Variants in TUSC3 observed in about 807,000 individuals in gnomAD.
TUSC3 encodes dolichyl-diphosphooligosaccharide--protein glycosyltransferase subunit TUSC3.
In TUSC3, 45 loss-of-function variants were observed where a neutral mutation model predicts 44.8. The ratio of observed to expected loss-of-function variants is 1.00; its 90% CI spans 0.79 to 1.29. TUSC3 has a LOEUF of 1.29. Ranked by LOEUF, TUSC3 falls within the 50% of genes most tolerant of loss-of-function variation. The pLI, the probability that TUSC3 is intolerant of heterozygous loss-of-function variation, is 0.00. For missense variants in TUSC3, 519 were observed against 437.9 expected, an observed-to-expected ratio of 1.19 and a Z score of -1.65; for synonymous variants, 212 against 152.9, an observed-to-expected ratio of 1.39 and a Z score of -2.85.
At chr8:15,536,440 G>C (rs1294203777), upstream of TUSC3, among the ~76,000 whole-genome samples, 1 of 151,974 alleles carries the variant, frequency 6.6e-6, no homozygotes, top group Non-Finnish European at 1.5e-5. Flanking sequence ...CCAGCACTTT[G>C]GGATGCCGAG....
chr8:15,650,760 C>G lies in TUSC3; in HGVS notation c.372C>G (p.Asn124Lys), dbSNP rs779451208. The change falls in exon 3 of 11, where the codon AAC becomes AAG. Residue 124 changes from asparagine (N) to lysine (K), a missense_variant. By Grantham distance (94) the Asn-to-Lys change is moderately conservative (BLOSUM62 0). Transcript: ENST00000503731. ...NSWRYSSAFC[N>K]KLFFSMVDYD... ...GGCGCTATTCATCTGCTTTTTGTAA[C>G]AAGCTCTTCTTCAGTATGGTGGACT... 121 of 1,613,998 alleles carry G rather than the reference C, an allele frequency of 7.5e-5. No homozygotes were observed. The highest frequency in any genetic ancestry group is 1.0e-4 in the Non-Finnish European group (121 of 1,180,026).
intron 7 of TUSC3, among the ~76,000 whole-genome samples, chr8:15,741,868 A>G (rs1342043229): frequency 1.3e-5 from 2 of 152,188 alleles, no homozygotes; most frequent in African/African-American, 2.4e-5. Flanking sequence ...GATCCATATC[A>G]GTCACATCTA....
chr8:15,535,903 A>C (rs1485144882), upstream of TUSC3, among the ~76,000 whole-genome samples: 1 of 152,128 alleles, frequency 6.6e-6, no homozygotes, highest in Non-Finnish European at 1.5e-5. Context: ...AACTTGTCCA[A>C]CTCGTGGCCT....
intron 9 of TUSC3, among the ~76,000 whole-genome samples, chr8:15,754,126 T>C (rs1811821819): frequency 6.6e-6 from 1 of 151,658 alleles, no homozygotes; most frequent in South Asian, 2.1e-4. Flanking sequence ...AGGCAGTCTG[T>C]AGAAAACGAG....
chr8:15,685,281 G>A (rs1379801714), intron 6 of TUSC3, among the ~76,000 whole-genome samples: 2 of 152,032 alleles, frequency 1.3e-5, no homozygotes, highest in Non-Finnish European at 2.9e-5. Flanking sequence ...GCTTCCTCAG[G>A]TCTGGTTCAG....
intron 1 of TUSC3, among the ~76,000 whole-genome samples, chr8:15,476,065 T>G (rs745931166): frequency 2.0e-5 from 3 of 152,190 alleles, no homozygotes; most frequent in Non-Finnish European, 4.4e-5. Flanking sequence ...TACTTAGAAA[T>G]TTCATTCTGA....
At chr8:15,748,333 G>T in intron 8 of TUSC3, 42 bp from the exon 9 acceptor site, 1 of 1,430,896 alleles carries the variant, frequency 7.0e-7, no homozygotes, top group African/African-American at 1.4e-5. Flanking sequence ...GGTTTCATTT[G>T]CATATTTTTA....
intron 9 of TUSC3, among the ~76,000 whole-genome samples, chr8:15,753,431 G>A (rs1022882587): frequency 3.9e-5 from 6 of 151,942 alleles, no homozygotes; most frequent in Non-Finnish European, 7.4e-5. Context: ...TGCTCTCTCA[G>A]GTTTATATAG....
intron 2 of TUSC3, among the ~76,000 whole-genome samples, chr8:15,631,312 T>C (rs754718676): frequency 6.6e-6 from 1 of 152,332 alleles, no homozygotes; most frequent in East Asian, 1.9e-4. Flanking sequence ...CTTCCTCAGA[T>C]AGGATAATCC....
chr8:15,738,827 C>CTTTTTTTTTTTTTTCTTTTTTTTTTT (rs1563198661), intron 7 of TUSC3, among the ~76,000 whole-genome samples: 1 of 87,172 alleles, frequency 1.1e-5, no homozygotes, highest in African/African-American at 4.9e-5. Flanking sequence ...ATATATCTTG[C>CTTTTTTTTTTTTTTCTTTTTTTTTTT]TTTTTTTTTT....
At chr8:15,422,342 A>G (rs193016825) in intron 1 of TUSC3, among the ~76,000 whole-genome samples, 55 of 152,288 alleles carry the variant, frequency 3.6e-4, no homozygotes, top group African/African-American at 1.3e-3. Context: ...CTAATACCAC[A>G]TGGTATCCAT....
intron 1 of TUSC3, among the ~76,000 whole-genome samples, chr8:15,426,817 T>G (rs574579183): frequency 1.3e-5 from 2 of 152,216 alleles, no homozygotes; most frequent in Non-Finnish European, 2.9e-5. Context: ...CTGTACTGTA[T>G]GCCATAGCTA....
chr8:15,665,097 C>T (rs142237672), intron 5 of TUSC3, among the ~76,000 whole-genome samples: 4 of 151,350 alleles, frequency 2.6e-5, no homozygotes, highest in African/African-American at 9.7e-5. Flanking sequence ...TCTCATTTTT[C>T]CTTGGAAGTA....
intron 1 of TUSC3, among the ~76,000 whole-genome samples, chr8:15,607,467 G>T (rs1202760556): frequency 6.6e-6 from 1 of 152,030 alleles, no homozygotes; most frequent in Non-Finnish European, 1.5e-5. Flanking sequence ...AAGCAAAATA[G>T]AAATAAAGAT....
chr8:15,803,589 G>A, the TUSC3 span, among the ~76,000 whole-genome samples: 2 of 152,190 alleles, frequency 1.3e-5, no homozygotes, highest in Admixed American at 1.3e-4. Flanking sequence ...TACACGTGCT[G>A]AACGTGCAGG....
chr8:15,536,620 T>C (rs1801525102), upstream of TUSC3, among the ~76,000 whole-genome samples: 1 of 134,916 alleles, frequency 7.4e-6, no homozygotes, highest in South Asian at 2.3e-4. Context: ...AGGCGGAGGT[T>C]GCAGTGAGCT....
chr8:15,686,146 G>C (rs1413318734), intron 6 of TUSC3, among the ~76,000 whole-genome samples: 2 of 152,046 alleles, frequency 1.3e-5, no homozygotes, highest in Non-Finnish European at 2.9e-5. Flanking sequence ...CACAAAAGCA[G>C]TCATTATTGT....
At chr8:15,798,445 A>AC in the TUSC3 span, among the ~76,000 whole-genome samples, 809 of 152,196 alleles carry the variant, frequency 5.3e-3, 7 homozygotes, top group African/African-American at 0.018. Flanking sequence ...TTAGAAACAG[A>AC]CTCAACCCCA....
At chr8:15,428,247 G>A (rs566543361) in intron 1 of TUSC3, among the ~76,000 whole-genome samples, 28 of 149,756 alleles carry the variant, frequency 1.9e-4, no homozygotes, top group Non-Finnish European at 3.7e-4. Context: ...ACGATACTTC[G>A]CTGAGAATGA....
Sources: allele counts gnomAD v4.1 joint callset (sites outside exome capture counted in the v4.1 genomes callset), GRCh38; gene constraint gnomAD v4.1.1; transcripts MANE v1.5; gene names NCBI Gene and HGNC (gene_info 2026-07-23, HGNC 2026-07-21).